Variants in ENKUR observed in about 807,000 individuals in gnomAD.
The protein encoded by ENKUR is enkurin, TRPC channel interacting protein.
A neutral mutation model predicts 27.6 loss-of-function variants in ENKUR; 19 were observed. The ratio of observed to expected loss-of-function variants is 0.69; its 90% CI spans 0.48 to 1.01. The LOEUF (loss-of-function observed/expected upper bound fraction) is 1.01, where lower values mean the gene tolerates loss of function less well. Among genes scored for constraint, ENKUR ranks in the 50% least tolerant of loss-of-function variants. The probability of loss-of-function intolerance (pLI) is 0.00; values close to 1 mark genes in which losing one functional copy is unlikely to be tolerated. For missense variants in ENKUR, 312 were observed against 310.5 expected, an observed-to-expected ratio of 1.00 and a Z score of -0.04; for synonymous variants, 117 against 96.9, an observed-to-expected ratio of 1.21 and a Z score of -1.22.
intron 2 of ENKUR, among the ~76,000 whole-genome samples, chr10:25,027,357 CAAAAAAAAAAAAA>C (rs71399946): frequency 8.2e-5 from 4 of 48,492 alleles, no homozygotes; most frequent in African/African-American, 4.3e-4. Context: ...ACTCCCGTCT[CAAAAAAAAAAAAA>C]AAAAAAAAAA....
chr10:25,039,937 T>TAA (rs3050369), intron 2 of ENKUR, among the ~76,000 whole-genome samples: 22 of 137,278 alleles, frequency 1.6e-4, no homozygotes, highest in South Asian at 7.1e-4. Flanking sequence ...CTTAAAGTAT[T>TAA]AAAAAAAAAA....
intron 1 of ENKUR, among the ~76,000 whole-genome samples, chr10:25,011,861 G>A (rs1850453381): frequency 1.3e-5 from 2 of 152,214 alleles, no homozygotes. Flanking sequence ...TGCATAAGGA[G>A]AAGCCAAATG....
chr10:25,024,132 A>G, intron 2 of ENKUR: 1 of 1,614,218 alleles, frequency 6.2e-7, no homozygotes, highest in South Asian at 1.1e-5. Flanking sequence ...TCCATCCTGC[A>G]GACATACCTG....
intron 1 of ENKUR, among the ~76,000 whole-genome samples, chr10:25,001,091 A>AT (rs1285806803): frequency 6.6e-6 from 1 of 151,994 alleles, no homozygotes; most frequent in Admixed American, 6.5e-5. Flanking sequence ...ATATAATTGT[A>AT]TTTTAAATAC....
At chr10:25,020,276 A>ATATCTG (rs58705370), upstream of ENKUR, among the ~76,000 whole-genome samples, 1 of 149,428 alleles carries the variant, frequency 6.7e-6, no homozygotes, top group African/African-American at 2.5e-5. Flanking sequence ...ATCTATATCT[A>ATATCTG]TATATATCTA....
chr10:25,006,389 T>C (rs1170933359), intron 1 of ENKUR, among the ~76,000 whole-genome samples: 1 of 152,170 alleles, frequency 6.6e-6, no homozygotes, highest in Non-Finnish European at 1.5e-5. Context: ...CGAGAACATT[T>C]GTGCTCCTCT....
intron 2 of ENKUR, among the ~76,000 whole-genome samples, chr10:24,996,338 C>T (rs1850053957): frequency 6.6e-6 from 1 of 152,078 alleles, no homozygotes; most frequent in Non-Finnish European, 1.5e-5. Context: ...GGGAGGATTG[C>T]TTCAGCCTGG....
rs1849721390 is a variant in ENKUR, at chr10:24,983,828, A to G, written c.*542T>C. 6.6e-6 allele frequency: 1 copy of G among 152,188 alleles called. No individual in the cohort carries two copies. Among genetic ancestry groups the G allele is most frequent in the African/African-American group, 2.4e-5 (1 of 41,444 alleles). 9.4% of individuals were successfully genotyped at this position (152,188 alleles called of 1,614,324 possible). ...TTTTACCAAATTTTTCTAATTTAAA[A>G]TTTCATAAAATAACCTTTTCCTTTT... is the stretch of plus-strand genomic sequence containing the variant. On this transcript the variant is annotated 3_prime_UTR_variant, in exon 6 of 6. Coordinates refer to ENST00000331161, the MANE Select transcript of ENKUR (RefSeq NM_145010.4).
intron 2 of ENKUR, among the ~76,000 whole-genome samples, chr10:25,054,208 G>A (rs1185469800): frequency 1.3e-5 from 2 of 152,198 alleles, no homozygotes; most frequent in African/African-American, 4.8e-5. Context: ...ATCACTTGAG[G>A]TCAGGAGTTT....
chr10:24,996,034 G>A (rs1293989437), intron 2 of ENKUR, among the ~76,000 whole-genome samples, 165 bp from the exon 3 acceptor site: 1 of 152,004 alleles, frequency 6.6e-6, no homozygotes, highest in Non-Finnish European at 1.5e-5. Flanking sequence ...TCATTGACTT[G>A]TAGACATTAA....
rs769266526 is a variant in ENKUR at position 24,995,690 on chromosome 10, C to T, written c.403G>A (p.Asp135Asn). 19 of 1,614,010 alleles carry T rather than the reference C, an allele frequency of 1.2e-5. No individual in the cohort carries two copies. Among genetic ancestry groups the T allele is most frequent in the Non-Finnish European group, 1.6e-5 (19 of 1,179,990 alleles). ...GGAACTAGTCCTGAAGGCTCAAGAT[C>T]ATGCTTGTCTCCAGTTCTTTTATCA... is the stretch of plus-strand genomic sequence containing the variant. ...YVDKRTGDKHDLEPSGLVPKY... is the reference protein window; with the variant it reads ...YVDKRTGDKHNLEPSGLVPKY... Residue 135 changes from aspartate (D) to asparagine (N), a missense_variant, in exon 3 of 6, where the codon GAT becomes AAT. Coordinates refer to ENST00000331161, the MANE Select transcript of ENKUR (RefSeq NM_145010.4).
At chr10:25,056,694 C>T (rs1214125666) in intron 2 of ENKUR, among the ~76,000 whole-genome samples, 1 of 152,188 alleles carries the variant, frequency 6.6e-6, no homozygotes, top group Admixed American at 6.5e-5. Context: ...GACTGCAAGA[C>T]ATACTGAAAC....
At chr10:24,986,061 C>A (rs1342485985) in intron 4 of ENKUR, among the ~76,000 whole-genome samples, 1 of 152,106 alleles carries the variant, frequency 6.6e-6, no homozygotes, top group African/African-American at 2.4e-5. Flanking sequence ...AGAGCAGAGA[C>A]CCTGCCTGAA....
intron 2 of ENKUR, among the ~76,000 whole-genome samples, chr10:25,029,332 G>C (rs1850907241): frequency 1.3e-5 from 2 of 152,048 alleles, no homozygotes; most frequent in Admixed American, 6.5e-5. Flanking sequence ...GAATTTGTAA[G>C]ATATTTGAGA....
intron 1 of ENKUR, among the ~76,000 whole-genome samples, chr10:25,010,520 T>C (rs1357941363): frequency 6.6e-6 from 1 of 151,860 alleles, no homozygotes; most frequent in Non-Finnish European, 1.5e-5. Flanking sequence ...TGTATACATG[T>C]GCCATGCTGG....
At chr10:25,050,506 C>T (rs981025425) in intron 2 of ENKUR, among the ~76,000 whole-genome samples, 62 of 152,198 alleles carry the variant, frequency 4.1e-4, no homozygotes, top group African/African-American at 1.2e-3. Flanking sequence ...TTTCGTGAGA[C>T]GTATTCACTA....
intron 2 of ENKUR, among the ~76,000 whole-genome samples, chr10:25,039,955 A>AC (rs1851044303): frequency 7.4e-6 from 1 of 135,762 alleles, no homozygotes; most frequent in African/African-American, 2.8e-5. Flanking sequence ...AAAAAAAAAA[A>AC]GTAGCTTCAC....
At position 25,040,858 on chromosome 10, in the gene ENKUR, A is replaced by G. The variant is rs139045443; in HGVS notation, c.37+20254T>C. Among the ~76,000 whole-genome samples, 4 of 152,344 alleles carry G rather than the reference A, an allele frequency of 2.6e-5. No individual in the cohort carries two copies. The East Asian group carries it at 7.7e-4, about 29-fold the overall frequency. On this transcript the variant is annotated intron_variant, in intron 2 of 5. Transcript: ENST00000615958. ...GTTTATTGTCTTTCTTACCTTAATGAGAACTTGCTGTGTAAATTCAGAAAC... is the reference window on the plus strand; with the variant it reads ...GTTTATTGTCTTTCTTACCTTAATGGGAACTTGCTGTGTAAATTCAGAAAC...
intron 4 of ENKUR, among the ~76,000 whole-genome samples, chr10:24,989,150 A>C (rs906407068): frequency 6.6e-6 from 1 of 152,170 alleles, no homozygotes; most frequent in Non-Finnish European, 1.5e-5. Context: ...GGCTTTCACA[A>C]AGGCACGTAC....
Sources: gnomAD v4.1 joint callset for allele counts (sites outside exome capture counted in the v4.1 genomes callset) on GRCh38, gnomAD v4.1.1 for gene constraint, MANE v1.5 for transcripts, NCBI Gene and HGNC (gene_info 2026-07-23, HGNC 2026-07-21) for gene names.